KIR2DL4: variants seen among roughly 807,000 people sequenced by gnomAD.
The protein encoded by KIR2DL4 is killer cell immunoglobulin like receptor, two Ig domains and long cytoplasmic tail 4.
In KIR2DL4, 41 loss-of-function variants were observed where a neutral mutation model predicts 31.0. That is an observed-to-expected ratio of 1.32 (90% confidence interval 1.03 to 1.72). The LOEUF is 1.72. KIR2DL4 is among the 40% of genes most tolerant of loss of function. The pLI, the probability that KIR2DL4 is intolerant of heterozygous loss-of-function variation, is 0.00. For synonymous variants in KIR2DL4, 164 were observed against 133.6 expected (o/e 1.23, Z -1.57); for missense variants, 438 against 353.7 (o/e 1.24, Z -1.91).
chr19:54,813,310 C>T (rs761028133), intron 6 of KIR2DL4: 2 of 1,577,926 alleles, frequency 1.3e-6, no homozygotes, highest in East Asian at 2.3e-5. Flanking sequence ...GTGTTCCTCA[C>T]TGGCAGGAAA....
chr19:54,806,497 G>A (rs1181385124), intron 4 of KIR2DL4, among the ~76,000 whole-genome samples: 1 of 151,134 alleles, frequency 6.6e-6, no homozygotes, highest in Admixed American at 6.6e-5. Flanking sequence ...CCAGAGGAGG[G>A]AGACTGGGCT....
At chr19:54,806,419 G>A (rs879088424) in intron 4 of KIR2DL4, among the ~76,000 whole-genome samples, 175 bp downstream of exon 4, 6 of 151,248 alleles carry the variant, frequency 4.0e-5, no homozygotes, top group Non-Finnish European at 7.4e-5. Context: ...CTCCTGCATG[G>A]CCTGCATGGA....
intron 5 of KIR2DL4, chr19:54,813,077 G>A (rs1475955183): frequency 3.0e-6 from 4 of 1,335,764 alleles, no homozygotes; most frequent in African/African-American, 3.5e-5. Flanking sequence ...AATCCACAAA[G>A]AGGAACTGCT....
chr19:54,811,486 T>A (rs2060865730), intron 5 of KIR2DL4, among the ~76,000 whole-genome samples: 1 of 151,298 alleles, frequency 6.6e-6, no homozygotes, highest in Non-Finnish European at 1.5e-5. Context: ...TTTCTATTTC[T>A]CTATAATGAC....
chr19:54,804,230 G>A (rs1032836887), intron 2 of KIR2DL4, among the ~76,000 whole-genome samples: 20 of 150,842 alleles, frequency 1.3e-4, no homozygotes, highest in African/African-American at 3.9e-4. Context: ...TGGCCCAGGC[G>A]GGATACTGAG....
intron 4 of KIR2DL4, among the ~76,000 whole-genome samples, chr19:54,807,308 T>A (rs1411769002): frequency 6.6e-6 from 1 of 151,356 alleles, no homozygotes; most frequent in African/African-American, 2.4e-5. Context: ...TCTTGGCTAC[T>A]GTGAACAGTG....
chr19:54,803,626 T>C, exon 1 of KIR2DL4: 2 of 1,612,168 alleles, frequency 1.2e-6, no homozygotes, highest in East Asian at 2.2e-5. Flanking sequence ...GCCGAGTCAC[T>C]GCGTCCTGGC....
intron 4 of KIR2DL4, 55 bp from the exon 5 acceptor site, chr19:54,808,778 T>A: frequency 8.0e-7 from 1 of 1,257,616 alleles, no homozygotes; most frequent in Non-Finnish European, 1.1e-6. Flanking sequence ...AGATTTCCAT[T>A]GAGTAGAAGA....
chr19:54,809,010 C>A lies in KIR2DL4; in HGVS notation c.706+127C>A, dbSNP rs1360336704. On this transcript the variant is annotated intron_variant, in intron 5 of 7. Coordinates refer to ENST00000359085, the Ensembl canonical transcript of KIR2DL4. ...GCCTGTCTTCCATTGTCTCTGAACC[C>A]CAGACACTCCAACAGCGAAAGGGAT... The A allele has an allele frequency of 6.2e-6, 5 of 806,642 alleles. No individual in the cohort carries two copies. In the African/African-American group the frequency reaches 8.6e-5, roughly 14 times the overall value. The allele number at this position is 806,642 out of a possible 1,614,324, so 50.0% of individuals were successfully genotyped here.
chr19:54,803,891 G>T (rs1260357721), exon 2 of KIR2DL4: 3 of 1,609,860 alleles, frequency 1.9e-6, no homozygotes, highest in Non-Finnish European at 2.5e-6. Flanking sequence ...TTCTTTGCAG[G>T]GTTCTTCTTG....
rs1404657012 is a variant in KIR2DL4, at chr19:54,814,487, T to C, written c.*687T>C. 4.8e-5 allele frequency: 13 copies of C among 271,964 alleles called. 1 individual carries two copies. The East Asian group carries it at 1.4e-3, about 30-fold the overall frequency. 16.8% of individuals were successfully genotyped at this position (271,964 alleles called of 1,614,324 possible). A position where few individuals can be genotyped will look rare whatever the true frequency, so the allele number is the denominator to read the frequency against. On this transcript the variant is annotated 3_prime_UTR_variant, in exon 8 of 8. Coordinates refer to ENST00000359085, the Ensembl canonical transcript of KIR2DL4. ...AATTTTTTTGATTTCAGTGTAGTTC[T>C]CTCCTCTTCAAATAAACATGTCTGC...
intron 5 of KIR2DL4, among the ~76,000 whole-genome samples, chr19:54,812,747 A>G (rs2060936467): frequency 6.8e-6 from 1 of 147,112 alleles, no homozygotes; most frequent in African/African-American, 2.6e-5. Flanking sequence ...TTTAAGAATC[A>G]ACTCTCCAGG....
rs2060551995 is a variant in KIR2DL4 at position 54,806,718 on chromosome 19, C to T, written c.655+474C>T. ...GTGTAAAATCTAGGGATCATAAATA[C>T]CTTTATATGCTGTGTGCGGTGGCTC... On this transcript the variant is annotated intron_variant, in intron 4 of 7. Transcript: ENST00000359085. Among the ~76,000 whole-genome samples, 3 of 150,824 alleles carry T rather than the reference C, an allele frequency of 2.0e-5. 1 individual carries two copies. Among genetic ancestry groups the T allele is most frequent in the African/African-American group, 7.4e-5 (3 of 40,710 alleles).
exon 8 of KIR2DL4, chr19:54,814,124 C>A: frequency 6.2e-7 from 1 of 1,607,252 alleles, no homozygotes; most frequent in Non-Finnish European, 8.5e-7. Flanking sequence ...GCGTGAGTCT[C>A]CATCTTAGAG....
intron 4 of KIR2DL4, among the ~76,000 whole-genome samples, chr19:54,807,869 G>A (rs1601164810): frequency 1.3e-5 from 2 of 150,120 alleles, no homozygotes; most frequent in Non-Finnish European, 3.0e-5. Context: ...GTCTGTCTCT[G>A]AGATAAAACC....
chr19:54,803,697 T>C lies in KIR2DL4; in HGVS notation c.40+6T>C. 6.2e-7 allele frequency: 1 copy of C among 1,611,446 alleles called. No individual in the cohort carries two copies. The highest frequency in any genetic ancestry group is 2.2e-5 in the East Asian group (1 of 44,844). On this transcript the variant is annotated splice_donor_region_variant and intron_variant, in intron 1 of 7. Coordinates refer to ENST00000359085, the Ensembl canonical transcript of KIR2DL4. ...CATCATCCTGGCATGTCTTGGTGAG[T>C]CCTGGAAGGGAAGGAGCACCAGGGT...
At position 54,808,673 on chromosome 19, in the gene KIR2DL4, G is replaced by T. The variant is rs1287297993; in HGVS notation, c.656-160G>T. 1.5e-4 allele frequency among the ~76,000 whole-genome samples: 22 copies of T among 150,292 alleles called. 1 individual carries two copies. The highest frequency in any genetic ancestry group is 1.6e-4 in the Non-Finnish European group (11 of 67,824). On this transcript the variant is annotated intron_variant, in intron 4 of 7. Coordinates refer to ENST00000359085, the Ensembl canonical transcript of KIR2DL4. ...CCTTATACCTTGAAGTCTCAAGATA[G>T]TTGGTGTCACCTACAATGATTATGG...
exon 8 of KIR2DL4, chr19:54,814,202 G>A: frequency 7.1e-7 from 1 of 1,408,934 alleles, no homozygotes; most frequent in Non-Finnish European, 9.8e-7. Context: ...GGTCCCCACT[G>A]CCTGCTGCAG....
At chr19:54,805,100 T>C in intron 3 of KIR2DL4, 23 bp downstream of exon 3, 1 of 1,571,800 alleles carries the variant, frequency 6.4e-7, no homozygotes, top group South Asian at 1.2e-5. Context: ...CTGTCTGGGC[T>C]TCTCCTTGTC....
Sources: gnomAD v4.1 joint callset for allele counts (sites outside exome capture counted in the v4.1 genomes callset) on GRCh38, gnomAD v4.1.1 for gene constraint, MANE v1.5 for transcripts, NCBI Gene and HGNC (gene_info 2026-07-23, HGNC 2026-07-21) for gene names.